The following MYO9A variants were observed in gnomAD, a reference collection of about 807,000 sequenced individuals.
MYO9A encodes unconventional myosin-IXa.
In MYO9A, 103 loss-of-function variants were observed where a neutral mutation model predicts 293.3. The observed-to-expected ratio is 0.35, with a 90% CI of 0.30 to 0.41. The LOEUF is 0.41. Ranked by LOEUF, MYO9A falls within the 10% of genes least tolerant of loss-of-function variation. The pLI, the probability that MYO9A is intolerant of heterozygous loss-of-function variation, is 1.00. For synonymous variants in MYO9A, 1,001 were observed against 1,035.7 expected, an observed-to-expected ratio of 0.97 and a Z score of 0.64; for missense variants, 2,685 against 3,033.0, an observed-to-expected ratio of 0.89 and a Z score of 2.69.
At position 71,903,970 on chromosome 15, in the gene MYO9A, G is replaced by T. The variant is rs755573420; in HGVS notation, c.2836C>A (p.Arg946=). ...GAGCTGTATCCTGATTGGCGAATTCGAACTGTTTCCAGCATCCCGGTGTAT... is the reference window on the plus strand; with the variant it reads ...GAGCTGTATCCTGATTGGCGAATTCTAACTGTTTCCAGCATCCCGGTGTAT... ...LRYTGMLETV[R]IRQSGYSSKY... Residue 946 remains arginine (R), a synonymous_variant, in exon 21 of 42, where the codon CGA becomes AGA. Transcript: ENST00000356056. 1.9e-6 allele frequency: 3 copies of T among 1,613,986 alleles called. No homozygotes were observed. Among genetic ancestry groups the T allele is most frequent in the Admixed American group, 3.3e-5 (2 of 59,994 alleles).
chr15:71,843,629 T>C (rs1040446056), intron 39 of MYO9A, among the ~76,000 whole-genome samples: 3 of 152,082 alleles, frequency 2.0e-5, no homozygotes, highest in African/African-American at 4.8e-5. Context: ...TCTGGGACTA[T>C]AGGCAAACAC....
chr15:72,051,370 T>C (rs1237028242), intron 1 of MYO9A, among the ~76,000 whole-genome samples: 1 of 152,108 alleles, frequency 6.6e-6, no homozygotes, highest in African/African-American at 2.4e-5. Flanking sequence ...GGCAGGAGTT[T>C]CGTGCTCCCT....
At chr15:72,111,886 C>T (rs2080793588) in intron 1 of MYO9A, among the ~76,000 whole-genome samples, 1 of 152,032 alleles carries the variant, frequency 6.6e-6, no homozygotes. Flanking sequence ...CTCAACTGAT[C>T]CTCCTACCTC....
Position 71,873,023 on chromosome 15 carries a change from C to G in MYO9A, c.5979+2768G>C, listed in dbSNP as rs185408527. On this transcript the variant is annotated intron_variant, in intron 32 of 41. Coordinates refer to ENST00000356056, the MANE Select transcript of MYO9A (RefSeq NM_006901.4). ...CACCTCCCAGGTTCAAGCGATTCTC[C>G]TGCCTCAGCCTCCCGAGCAGCTGGG... is the stretch of plus-strand genomic sequence containing the variant. Among the ~76,000 whole-genome samples the G allele has an allele frequency of 2.4e-4, 37 of 152,152 alleles. No individual in the cohort carries two copies. The East Asian group carries it at 6.4e-3, about 26-fold the overall frequency.
intron 12 of MYO9A, among the ~76,000 whole-genome samples, chr15:71,975,260 T>C (rs2076108108): frequency 6.6e-6 from 1 of 152,056 alleles, no homozygotes; most frequent in African/African-American, 2.4e-5. Flanking sequence ...ATGTAAAGGA[T>C]CCATGTTTGA....
intron 15 of MYO9A, among the ~76,000 whole-genome samples, chr15:71,945,016 G>A (rs2058877891): frequency 6.6e-6 from 1 of 152,062 alleles, no homozygotes; most frequent in African/African-American, 2.4e-5. Flanking sequence ...AAACATATTT[G>A]TTAAATTTAT....
intron 15 of MYO9A, among the ~76,000 whole-genome samples, chr15:71,944,123 C>A (rs140224115): frequency 8.9e-4 from 135 of 152,194 alleles, no homozygotes; most frequent in African/African-American, 3.1e-3. Flanking sequence ...GAACATCTTT[C>A]ATGAGAACAC....
intron 1 of MYO9A, among the ~76,000 whole-genome samples, chr15:72,103,373 A>AAGCAGAAGCAGCAGC (rs1189147598): frequency 1.3e-5 from 2 of 150,400 alleles, no homozygotes; most frequent in South Asian, 2.1e-4. Context: ...GCAGCAGCAG[A>AAGCAGAAGCAGCAGC]AGCAGAAGCA....
At chr15:71,855,230 G>A in intron 34 of MYO9A, among the ~76,000 whole-genome samples, 1 of 152,154 alleles carries the variant, frequency 6.6e-6, no homozygotes, top group East Asian at 1.9e-4. Flanking sequence ...CCACCTCCCA[G>A]GTTCAAGCGA....
intron 1 of MYO9A, among the ~76,000 whole-genome samples, chr15:72,076,607 T>A (rs2079359695): frequency 6.6e-6 from 1 of 152,138 alleles, no homozygotes; most frequent in Admixed American, 6.5e-5. Context: ...AAAATCTCAA[T>A]GAATGTAGAT....
At chr15:71,827,281 G>C (rs1310293076) in intron 41 of MYO9A, among the ~76,000 whole-genome samples, 2 of 152,142 alleles carry the variant, frequency 1.3e-5, no homozygotes, top group Non-Finnish European at 1.5e-5. Flanking sequence ...CGGAGGCCTA[G>C]AACAGTCACT....
Position 71,906,750 on chromosome 15 carries a change from A to ATTTCTTTC in MYO9A, c.2686-1752_2686-1745dup, listed in dbSNP as rs201457144. ...TATTTTATCCAATCAGATAATATCC[A>ATTTCTTTC]TTTCTTTCTTTTTTTTTTTTTTTTT... On this transcript the variant is annotated intron_variant, in intron 19 of 41. Transcript: ENST00000356056. Among the ~76,000 whole-genome samples, 164 of 91,234 alleles carry ATTTCTTTC rather than the reference A, an allele frequency of 1.8e-3. 5 individuals are homozygous for ATTTCTTTC. Among genetic ancestry groups the ATTTCTTTC allele is most frequent in the African/African-American group, 7.0e-3 (150 of 21,502 alleles). 59.9% of individuals were successfully genotyped at this position (91,234 alleles called of 152,430 possible).
intron 13 of MYO9A, among the ~76,000 whole-genome samples, chr15:71,966,265 AGTGTGTGTGTGTGTGTGT>A (rs377708464): frequency 4.4e-5 from 6 of 134,954 alleles, no homozygotes; most frequent in Admixed American, 7.5e-5. Context: ...ATCCCAGGCA[AGTGTGTGTGTGTGTGTGT>A]GTGTGTGTGT....
At chr15:71,906,335 T>C (rs2057639874) in intron 19 of MYO9A, among the ~76,000 whole-genome samples, 1 of 152,208 alleles carries the variant, frequency 6.6e-6, no homozygotes, top group Non-Finnish European at 1.5e-5. Context: ...TCAAGTAGGT[T>C]AATTGTTCTA....
At chr15:71,911,488 A>G (rs1221061001) in intron 19 of MYO9A, among the ~76,000 whole-genome samples, 1 of 152,226 alleles carries the variant, frequency 6.6e-6, no homozygotes, top group African/African-American at 2.4e-5. Context: ...GACTGTTCAC[A>G]TAACAGCGGA....
At chr15:72,037,537 A>T (rs1252226809) in intron 2 of MYO9A, among the ~76,000 whole-genome samples, 4 of 152,190 alleles carry the variant, frequency 2.6e-5, no homozygotes, top group African/African-American at 7.2e-5. Context: ...ACAAACACAC[A>T]GAACCTCATA....
chr15:71,893,083 G>C, intron 26 of MYO9A: 6 of 1,290,022 alleles, frequency 4.7e-6, no homozygotes, highest in Non-Finnish European at 6.1e-6. Context: ...ATCTTCCTCT[G>C]TATCCCCCTC....
At chr15:72,019,165 G>A (rs1465460529) in intron 5 of MYO9A, 70 bp from the exon 6 acceptor site, 14 of 1,296,388 alleles carry the variant, frequency 1.1e-5, no homozygotes, top group Admixed American at 8.4e-5. Context: ...TCTTAGATGT[G>A]GTGTGCAAGT....
chr15:71,886,451 A>G (rs950857588), intron 27 of MYO9A, among the ~76,000 whole-genome samples: 1 of 152,120 alleles, frequency 6.6e-6, no homozygotes, highest in Non-Finnish European at 1.5e-5. Flanking sequence ...CATTCTGTAT[A>G]TAAACAGTCA....
Sources: gnomAD v4.1 joint callset for allele counts (sites outside exome capture counted in the v4.1 genomes callset) on GRCh38, gnomAD v4.1.1 for gene constraint, MANE v1.5 for transcripts, NCBI Gene and HGNC (gene_info 2026-07-23, HGNC 2026-07-21) for gene names.